Variants in NOL4 observed in about 807,000 individuals in gnomAD.
NOL4 encodes nucleolar protein 4, also known as cancer/testis antigen 125.
NOL4 carries 17 observed loss-of-function variants against 75.9 expected under a neutral mutation model. The observed-to-expected ratio is 0.22, with a 90% confidence interval of 0.15 to 0.34. The LOEUF (loss-of-function observed/expected upper bound fraction) is 0.34, where lower values mean the gene tolerates loss of function less well. Among genes scored for constraint, NOL4 ranks in the 10% least tolerant of loss-of-function variants. NOL4 has a pLI of 1.00. For synonymous variants in NOL4, 292 were observed against 289.9 expected (o/e 1.01, Z -0.07); for missense variants, 614 against 793.5 (o/e 0.77, Z 2.72).
At chr18:33,980,894 T>G (rs915247112) in intron 6 of NOL4, among the ~76,000 whole-genome samples, 2 of 151,964 alleles carry the variant, frequency 1.3e-5, no homozygotes, top group Non-Finnish European at 2.9e-5. Context: ...GAAATTATCA[T>G]GCAATAAATT....
At chr18:33,862,591 C>T (rs1465305087) in intron 10 of NOL4, among the ~76,000 whole-genome samples, 1 of 151,994 alleles carries the variant, frequency 6.6e-6, no homozygotes, top group Non-Finnish European at 1.5e-5. Context: ...ACAAAGAGCC[C>T]CATCAAAAAG....
At chr18:34,091,904 C>T (rs570849631) in intron 5 of NOL4, among the ~76,000 whole-genome samples, 1 of 152,180 alleles carries the variant, frequency 6.6e-6, no homozygotes, top group African/African-American at 2.4e-5. Context: ...TGGAGTTATT[C>T]TACTGCATTT....
At chr18:34,154,917 A>T (rs756517631) in intron 1 of NOL4, among the ~76,000 whole-genome samples, 7 of 151,872 alleles carry the variant, frequency 4.6e-5, no homozygotes, top group Non-Finnish European at 8.8e-5. Flanking sequence ...CCTTTCTTAC[A>T]TTTATTAGTT....
At chr18:34,078,526 A>T (rs1390969941) in intron 5 of NOL4, among the ~76,000 whole-genome samples, 1 of 152,222 alleles carries the variant, frequency 6.6e-6, no homozygotes, top group Non-Finnish European at 1.5e-5. Context: ...ACAAGTAACA[A>T]TACATTTCAT....
intron 1 of NOL4, among the ~76,000 whole-genome samples, chr18:34,141,302 A>G (rs941767669): frequency 6.6e-6 from 1 of 152,146 alleles, no homozygotes; most frequent in Admixed American, 6.6e-5. Context: ...CAAGCTACCA[A>G]TGACTTTCTT....
At chr18:34,169,481 CA>C (rs1188084184) in intron 1 of NOL4, among the ~76,000 whole-genome samples, 30 of 123,348 alleles carry the variant, frequency 2.4e-4, no homozygotes, top group Non-Finnish European at 1.6e-4. Context: ...AAAAAAAAAA[CA>C]GCAAGATGAT....
At chr18:34,019,282 A>C (rs762505048) in intron 6 of NOL4, 36 bp downstream of exon 6, 4 of 1,590,960 alleles carry the variant, frequency 2.5e-6, no homozygotes, top group Non-Finnish European at 3.4e-6. Flanking sequence ...CTTCATGACC[A>C]ACTCAAAAAT....
chr18:33,852,786 A>G lies in NOL4; in HGVS notation c.*56T>C, dbSNP rs2062677391. ...GAAGTATCTCTGTTGGGAAATCAAA[A>G]TGTCATTAGTGGAAACTGCAAATTT... On this transcript the variant is annotated 3_prime_UTR_variant, in exon 11 of 11. Coordinates refer to ENST00000261592, the MANE Select transcript of NOL4 (RefSeq NM_003787.5). The G allele has an allele frequency of 4.8e-6, 7 of 1,458,768 alleles. No homozygotes were observed. The highest frequency in any genetic ancestry group is 6.6e-6 in the Non-Finnish European group (7 of 1,061,348). 90.4% of individuals were successfully genotyped at this position (1,458,768 alleles called of 1,614,324 possible).
chr18:33,895,658 G>GA (rs951386502), intron 9 of NOL4, among the ~76,000 whole-genome samples: 1 of 151,306 alleles, frequency 6.6e-6, no homozygotes, highest in Non-Finnish European at 1.5e-5. Context: ...TTTGGAATAA[G>GA]AAAAAAAATA....
intron 1 of NOL4, among the ~76,000 whole-genome samples, chr18:34,184,919 C>G (rs549430915): frequency 6.6e-6 from 1 of 152,094 alleles, no homozygotes; most frequent in Non-Finnish European, 1.5e-5. Flanking sequence ...TTTGGGTAAC[C>G]AGAAGTTGGA....
At chr18:33,944,386 C>A (rs1020361308) in intron 8 of NOL4, among the ~76,000 whole-genome samples, 1 of 151,842 alleles carries the variant, frequency 6.6e-6, no homozygotes, top group Non-Finnish European at 1.5e-5. Flanking sequence ...TCAGACCACA[C>A]CGTTTTAACA....
intron 1 of NOL4, among the ~76,000 whole-genome samples, chr18:34,180,544 A>G (rs1449769686): frequency 1.3e-5 from 2 of 151,586 alleles, no homozygotes; most frequent in Non-Finnish European, 3.0e-5. Context: ...TATCCCCCCA[A>G]GATCAGGAAG....
intron 1 of NOL4, among the ~76,000 whole-genome samples, chr18:34,192,928 C>T (rs928156671): frequency 2.0e-5 from 3 of 152,148 alleles, no homozygotes; most frequent in African/African-American, 7.2e-5. Flanking sequence ...TGCACTTCCA[C>T]CTTTCACCAT....
intron 8 of NOL4, among the ~76,000 whole-genome samples, chr18:33,949,681 A>T (rs375495796): frequency 1.3e-5 from 2 of 152,140 alleles, no homozygotes; most frequent in African/African-American, 4.8e-5. Context: ...GGAGTTTGAA[A>T]GTGTGTTTTA....
At chr18:34,154,583 G>C (rs778769909) in intron 1 of NOL4, among the ~76,000 whole-genome samples, 3 of 151,620 alleles carry the variant, frequency 2.0e-5, no homozygotes, top group Non-Finnish European at 4.4e-5. Flanking sequence ...ATTTTTTTCA[G>C]GAAAAACATT....
intron 5 of NOL4, among the ~76,000 whole-genome samples, chr18:34,032,410 A>G (rs2075681458): frequency 6.6e-6 from 1 of 152,012 alleles, no homozygotes; most frequent in African/African-American, 2.4e-5. Context: ...GTGTTGCCCA[A>G]CTTCTCCCAT....
chr18:34,203,799 C>A (rs1400913661), intron 1 of NOL4, among the ~76,000 whole-genome samples: 1 of 148,960 alleles, frequency 6.7e-6, no homozygotes, highest in Admixed American at 6.8e-5. Flanking sequence ...ACTAGATCAA[C>A]CCCAGCAAGT....
chr18:33,902,423 T>C (rs1383646895), intron 9 of NOL4, among the ~76,000 whole-genome samples: 2 of 152,176 alleles, frequency 1.3e-5, no homozygotes, highest in African/African-American at 4.8e-5. Context: ...TCCAATTCCA[T>C]AACTTTTTTC....
chr18:33,888,141 G>A (rs1339721041), intron 9 of NOL4, among the ~76,000 whole-genome samples: 1 of 152,110 alleles, frequency 6.6e-6, no homozygotes, highest in African/African-American at 2.4e-5. Flanking sequence ...ATCTCATTGT[G>A]GTTTTGATTT....
Sources: allele counts gnomAD v4.1 joint callset (sites outside exome capture counted in the v4.1 genomes callset), GRCh38; gene constraint gnomAD v4.1.1; transcripts MANE v1.5; gene names NCBI Gene and HGNC (gene_info 2026-07-23, HGNC 2026-07-21).